Variants in TFCP2L1 observed in about 807,000 individuals in gnomAD.
TFCP2L1 encodes transcription factor CP2 like 1.
Under a neutral mutation model 72.2 loss-of-function variants are expected in TFCP2L1, and 12 were observed. That is an observed-to-expected ratio of 0.17 (90% confidence interval 0.11 to 0.27). The LOEUF (loss-of-function observed/expected upper bound fraction) is 0.27, where lower values mean the gene tolerates loss of function less well. Among genes scored for constraint, TFCP2L1 ranks in the 10% least tolerant of loss-of-function variants. The pLI, the probability that TFCP2L1 is intolerant of heterozygous loss-of-function variation, is 1.00. For synonymous variants in TFCP2L1, 260 were observed against 251.0 expected (o/e 1.04, Z -0.34); for missense variants, 488 against 624.6 (o/e 0.78, Z 2.33).
At chr2:121,250,448 T>C (rs935074692) in intron 2 of TFCP2L1, among the ~76,000 whole-genome samples, 2 of 151,028 alleles carry the variant, frequency 1.3e-5, no homozygotes, top group African/African-American at 4.9e-5. Context: ...TTTCCCAAAA[T>C]GTATCTCAAA....
At chr2:121,282,465 G>C (rs1286276446) in intron 1 of TFCP2L1, among the ~76,000 whole-genome samples, 6 of 150,568 alleles carry the variant, frequency 4.0e-5, no homozygotes, top group Non-Finnish European at 5.9e-5. Context: ...AAGACTGCTT[G>C]AAGCCAGGGG....
intron 2 of TFCP2L1, among the ~76,000 whole-genome samples, chr2:121,268,017 G>A (rs941039765): frequency 3.9e-5 from 6 of 152,096 alleles, no homozygotes; most frequent in Non-Finnish European, 8.8e-5. Context: ...TGTTAGCCAG[G>A]CTAAAGATTG....
At chr2:121,224,842 G>A (rs7583632) in intron 14 of TFCP2L1, among the ~76,000 whole-genome samples, 8,992 of 152,090 alleles carry the variant, frequency 0.059, 271 homozygotes, top group Non-Finnish European at 0.086. Flanking sequence ...AAAATTAGCC[G>A]GGCCTGGTGG....
Position 121,240,433 on chromosome 2 carries a change from G to A in TFCP2L1, c.769-784C>T, listed in dbSNP as rs371788311. The stretch of plus-strand genomic sequence containing the variant: ...GAGAGGGCCAATTTGAAGCATTCCC[G>A]AAGATTTACTATCACCCACCAAACT... On this transcript the variant is annotated intron_variant, in intron 7 of 14. Transcript: ENST00000263707. 1.1e-4 allele frequency: 106 copies of A among 985,390 alleles called. No individual in the cohort carries two copies. In the African/African-American group the frequency reaches 1.5e-3, roughly 14 times the overall value. 61.0% of individuals were successfully genotyped at this position (985,390 alleles called of 1,614,324 possible).
intron 2 of TFCP2L1, among the ~76,000 whole-genome samples, chr2:121,279,706 G>C (rs1422079213): frequency 2.0e-5 from 3 of 152,236 alleles, no homozygotes; most frequent in Non-Finnish European, 4.4e-5. Context: ...AGTTCGCGGA[G>C]AGGAAGCTAC....
intron 2 of TFCP2L1, 140 bp from the exon 3 acceptor site, chr2:121,249,787 C>T (rs754109264): frequency 7.2e-5 from 57 of 790,356 alleles, no homozygotes; most frequent in East Asian, 1.5e-4. Context: ...AGAAAACCCA[C>T]GACCAGCTCA....
chr2:121,280,507 C>T (rs964872308), intron 2 of TFCP2L1, among the ~76,000 whole-genome samples: 1 of 152,130 alleles, frequency 6.6e-6, no homozygotes, highest in African/African-American at 2.4e-5. Flanking sequence ...CCTATAATCC[C>T]AGCACTTTGG....
At chr2:121,269,918 A>AAAAAAAAAAAAAATATATATAT in intron 2 of TFCP2L1, among the ~76,000 whole-genome samples, 1 of 115,182 alleles carries the variant, frequency 8.7e-6, no homozygotes, top group South Asian at 3.1e-4. Context: ...AAAAAAAAAA[A>AAAAAAAAAAAAAATATATATAT]ATATATATAT....
intron 2 of TFCP2L1, among the ~76,000 whole-genome samples, chr2:121,253,232 C>A (rs1421689262): frequency 1.3e-5 from 2 of 152,204 alleles, no homozygotes; most frequent in African/African-American, 4.8e-5. Flanking sequence ...TTGACCATGC[C>A]AAACCCCAGT....
rs756414475 is a variant in TFCP2L1 at position 121,231,889 on chromosome 2, G to C, written c.1278C>G (p.Pro426=). The part of the protein sequence containing the change: ...EKIANLYSIS[P]QHIHRVYRQG... ...GCCGGTAGACTCGGTGGATGTGCTG[G>C]GGGGAGATGCTGTACAGGTTGGCGA... Residue 426 remains proline, a synonymous_variant, in exon 13 of 15, where the codon CCC becomes CCG. Transcript: ENST00000263707. 1.4e-5 allele frequency: 23 copies of C among 1,613,522 alleles called. 1 individual carries two copies. The highest frequency in any genetic ancestry group is 1.6e-4 in the Middle Eastern group (1 of 6,078).
chr2:121,260,762 C>T (rs1686815893), intron 2 of TFCP2L1, among the ~76,000 whole-genome samples: 1 of 152,194 alleles, frequency 6.6e-6, no homozygotes, highest in Non-Finnish European at 1.5e-5. Context: ...ACCAGGTGCT[C>T]CTGCAGAGCA....
intron 1 of TFCP2L1, among the ~76,000 whole-genome samples, chr2:121,282,829 C>T (rs528208886): frequency 6.6e-6 from 1 of 152,184 alleles, no homozygotes; most frequent in East Asian, 1.9e-4. Flanking sequence ...ACAACACAAA[C>T]CCGGCACACA....
intron 2 of TFCP2L1, among the ~76,000 whole-genome samples, chr2:121,278,068 C>A (rs1487962412): frequency 4.3e-5 from 6 of 140,102 alleles, no homozygotes; most frequent in African/African-American, 1.6e-4. Flanking sequence ...CTCGCTCTGT[C>A]GCCCAGGTCG....
rs1685911642 is a variant in TFCP2L1 at position 121,220,588 on chromosome 2, T to G, written c.*3753A>C. 6.6e-6 allele frequency: 1 copy of G among 152,200 alleles called. No homozygotes were observed. The highest frequency in any genetic ancestry group is 1.5e-5 in the Non-Finnish European group (1 of 68,068). The allele number at this position is 152,200 out of a possible 1,614,324, so 9.4% of individuals were successfully genotyped here. A position where few individuals can be genotyped will look rare whatever the true frequency, so the allele number is the denominator to read the frequency against. On this transcript the variant is annotated 3_prime_UTR_variant, in exon 15 of 15. Coordinates refer to ENST00000263707, the MANE Select transcript of TFCP2L1 (RefSeq NM_014553.3). ...TCTGGGGTTCACTGTAAAAAGAAGC[T>G]ACAGTTCAGAAGCCACAGGTTGGTG...
At chr2:121,275,658 C>T (rs1037203910) in intron 2 of TFCP2L1, among the ~76,000 whole-genome samples, 14 of 149,780 alleles carry the variant, frequency 9.3e-5, no homozygotes, top group Non-Finnish European at 1.9e-4. Flanking sequence ...GCAACCTCTG[C>T]CTTCTGGGTT....
At chr2:121,261,878 G>A (rs1686834640) in intron 2 of TFCP2L1, among the ~76,000 whole-genome samples, 1 of 152,190 alleles carries the variant, frequency 6.6e-6, no homozygotes, top group Admixed American at 6.5e-5. Flanking sequence ...AACAGCACCA[G>A]CAAAAGACGT....
intron 7 of TFCP2L1, chr2:121,240,735 G>A (rs929347601): frequency 3.0e-6 from 3 of 985,304 alleles, no homozygotes; most frequent in African/African-American, 1.7e-5. Context: ...ACTCTGGGCA[G>A]TGGCACCAGC....
In TFCP2L1 at chr2:121,224,394, G is replaced by T. The variant is rs1313427861; in HGVS notation, c.1394-7C>A. Reference sequence around the variant, plus strand: ...TAGCCATCATTGCTCTCAGCTGCAAGAGAGAAACACTGGGTGTATTTCACA... The same window carrying T: ...TAGCCATCATTGCTCTCAGCTGCAATAGAGAAACACTGGGTGTATTTCACA... On this transcript the variant is annotated splice_polypyrimidine_tract_variant and splice_region_variant and intron_variant, in intron 14 of 14. Coordinates refer to ENST00000263707, the MANE Select transcript of TFCP2L1 (RefSeq NM_014553.3). 4 of 1,613,604 alleles carry T rather than the reference G, an allele frequency of 2.5e-6. No individual in the cohort carries two copies. The highest frequency in any genetic ancestry group is 3.4e-6 in the Non-Finnish European group (4 of 1,179,902).
chr2:121,274,850 G>A (rs1687113827), intron 2 of TFCP2L1, among the ~76,000 whole-genome samples: 1 of 151,902 alleles, frequency 6.6e-6, no homozygotes, highest in Non-Finnish European at 1.5e-5. Context: ...GCTGAGGCAA[G>A]AGGACTAATT....
Sources: allele counts gnomAD v4.1 joint callset (sites outside exome capture counted in the v4.1 genomes callset), GRCh38; gene constraint gnomAD v4.1.1; transcripts MANE v1.5; gene names NCBI Gene and HGNC (gene_info 2026-07-23, HGNC 2026-07-21).